Variants in RNLS observed in about 807,000 individuals in gnomAD.
RNLS encodes renalase.
In RNLS, 39 loss-of-function variants were observed where a neutral mutation model predicts 39.8. The observed-to-expected ratio is 0.98, with a 90% confidence interval of 0.76 to 1.28. The LOEUF is 1.28. RNLS is among the 50% of genes most tolerant of loss of function. The probability of loss-of-function intolerance (pLI) is 0.00; values close to 1 mark genes in which losing one functional copy is unlikely to be tolerated. For synonymous variants in RNLS, 147 were observed against 150.7 expected, an observed-to-expected ratio of 0.98 and a Z score of 0.18; for missense variants, 410 against 413.3, an observed-to-expected ratio of 0.99 and a Z score of 0.07.
chr10:88,394,384 G>T (rs1330863776), intron 4 of RNLS, among the ~76,000 whole-genome samples: 2 of 152,098 alleles, frequency 1.3e-5, no homozygotes, highest in Non-Finnish European at 2.9e-5. Flanking sequence ...GTGGGCAAAG[G>T]ATATGAACAG....
chr10:88,580,472 T>C (rs971906426), intron 3 of RNLS, among the ~76,000 whole-genome samples: 1 of 152,166 alleles, frequency 6.6e-6, no homozygotes, highest in Non-Finnish European at 1.5e-5. Context: ...AAATGGCTTA[T>C]AAAAAAATTC....
intron 6 of RNLS, among the ~76,000 whole-genome samples, chr10:88,311,030 T>C (rs1193344623): frequency 6.6e-6 from 1 of 152,076 alleles, no homozygotes; most frequent in East Asian, 1.9e-4. Flanking sequence ...CCTGATTTCC[T>C]TGGTATCTGA....
intron 4 of RNLS, among the ~76,000 whole-genome samples, chr10:88,476,655 T>G (rs184782164): frequency 6.6e-6 from 1 of 152,172 alleles, no homozygotes; most frequent in Non-Finnish European, 1.5e-5. Context: ...AAATATAAAC[T>G]ACCTCACTAA....
At chr10:88,382,912 G>A (rs1851639019) in intron 4 of RNLS, among the ~76,000 whole-genome samples, 1 of 152,086 alleles carries the variant, frequency 6.6e-6, no homozygotes, top group Non-Finnish European at 1.5e-5. Context: ...AATCTTCTAA[G>A]ATGTGTTCCA....
chr10:88,523,855 G>T lies in RNLS; in HGVS notation c.526+49048C>A, dbSNP rs116827523. Among the ~76,000 whole-genome samples the T allele has an allele frequency of 2.3e-3, 343 of 152,150 alleles. 2 individuals carry two copies. Among genetic ancestry groups the T allele is most frequent in the African/African-American group, 7.8e-3 (325 of 41,512 alleles). ...CCTTCCTCCCTTACCATTGAGCCAG[G>T]ACAATAAGGAAAATGAGTGGCAGGT... On this transcript the variant is annotated intron_variant, in intron 4 of 6. Transcript: ENST00000331772.
intron 4 of RNLS, among the ~76,000 whole-genome samples, chr10:88,425,270 G>A (rs1229621820): frequency 6.6e-6 from 1 of 152,088 alleles, no homozygotes; most frequent in African/African-American, 2.4e-5. Context: ...CTTCAGTAGA[G>A]TTTTTGTTAG....
the RNLS span, among the ~76,000 whole-genome samples, chr10:88,241,169 G>T: frequency 4.0e-5 from 6 of 149,760 alleles, no homozygotes; most frequent in African/African-American, 1.5e-4. Flanking sequence ...GGTTATAATA[G>T]CTTTATAAAA....
At chr10:88,355,606 G>C (rs541965281) in intron 5 of RNLS, among the ~76,000 whole-genome samples, 1 of 152,140 alleles carries the variant, frequency 6.6e-6, no homozygotes, top group Non-Finnish European at 1.5e-5. Context: ...GCCGTGTGAC[G>C]TGTCAGTCTG....
At chr10:88,362,747 G>T (rs77089728) in intron 4 of RNLS, 22 bp from the exon 5 acceptor site, 12 of 1,603,270 alleles carry the variant, frequency 7.5e-6, no homozygotes, top group Non-Finnish European at 1.0e-5. Context: ...AAAATAAAAG[G>T]CATCAAACTT....
intron 4 of RNLS, among the ~76,000 whole-genome samples, chr10:88,400,526 C>T (rs145648019): frequency 2.5e-4 from 38 of 152,078 alleles, no homozygotes; most frequent in African/African-American, 8.9e-4. Context: ...TATCTCTATC[C>T]TCTTTACTGT....
At chr10:88,441,025 C>T (rs576268241) in intron 4 of RNLS, among the ~76,000 whole-genome samples, 60 of 152,204 alleles carry the variant, frequency 3.9e-4, no homozygotes, top group South Asian at 1.0e-3. Context: ...AATTATGAGT[C>T]GAGTTGAGAG....
chr10:88,319,589 C>A (rs1054862169), intron 5 of RNLS, among the ~76,000 whole-genome samples: 2 of 151,434 alleles, frequency 1.3e-5, no homozygotes, highest in Admixed American at 6.6e-5. Context: ...AGAAAAAAAA[C>A]CCAAACAATT....
At chr10:88,481,654 C>T (rs562698261) in intron 4 of RNLS, among the ~76,000 whole-genome samples, 25 of 152,060 alleles carry the variant, frequency 1.6e-4, no homozygotes, top group East Asian at 3.9e-4. Flanking sequence ...GTAAACTTAA[C>T]GATAATATAC....
downstream of RNLS, among the ~76,000 whole-genome samples, chr10:88,272,897 G>A (rs74941561): frequency 1.6e-4 from 25 of 152,198 alleles, no homozygotes; most frequent in East Asian, 3.7e-3. Flanking sequence ...AATTCCTTGG[G>A]GAAGTTTAAG....
At chr10:88,501,019 CTGTG>C (rs10678689) in intron 4 of RNLS, among the ~76,000 whole-genome samples, 6,289 of 150,104 alleles carry the variant, frequency 0.042, 170 homozygotes, top group Middle Eastern at 0.076. Context: ...ATATATATCT[CTGTG>C]TGTGTGTGTG....
intron 5 of RNLS, among the ~76,000 whole-genome samples, chr10:88,355,107 C>T (rs1045475259): frequency 2.0e-5 from 3 of 152,134 alleles, no homozygotes; most frequent in African/African-American, 7.2e-5. Context: ...TTCTAGTTAG[C>T]CATTTGTCTA....
intron 4 of RNLS, among the ~76,000 whole-genome samples, chr10:88,505,538 A>G (rs1437259806): frequency 6.6e-6 from 1 of 151,872 alleles, no homozygotes; most frequent in Non-Finnish European, 1.5e-5. Flanking sequence ...CAAGGAAGAG[A>G]GAGGAGAGGG....
the RNLS span, among the ~76,000 whole-genome samples, chr10:88,231,552 T>C: frequency 2.0e-5 from 3 of 152,188 alleles, no homozygotes; most frequent in East Asian, 5.8e-4. Flanking sequence ...TTTAGTGGAA[T>C]AAATTTCTCA....
rs534825693 is a variant in RNLS, at chr10:88,414,568, C to G, written c.527-51843G>C. Among the ~76,000 whole-genome samples the G allele has an allele frequency of 2.7e-3, 414 of 152,268 alleles. 4 individuals are homozygous for G. The South Asian group carries it at 0.031, about 11-fold the overall frequency. On this transcript the variant is annotated intron_variant, in intron 4 of 6. Coordinates refer to ENST00000331772, the MANE Select transcript of RNLS (RefSeq NM_001031709.3). ...AAAATACATTTATGGATTTTGCTCA[C>G]TGTGTGCATGGAAAAATTGCAAAAG... is the stretch of plus-strand genomic sequence containing the variant.
Sources: allele counts gnomAD v4.1 joint callset (sites outside exome capture counted in the v4.1 genomes callset), GRCh38; gene constraint gnomAD v4.1.1; transcripts MANE v1.5; gene names NCBI Gene and HGNC (gene_info 2026-07-23, HGNC 2026-07-21).